ARL15: variants seen among roughly 807,000 people sequenced by gnomAD.
ARL15 encodes the protein ADP-ribosylation factor-like protein 15.
Under a neutral mutation model 25.2 loss-of-function variants are expected in ARL15, and 19 were observed. That is an observed-to-expected ratio of 0.75 (90% CI 0.53 to 1.10). The LOEUF (loss-of-function observed/expected upper bound fraction) is 1.10. Ranked by LOEUF, ARL15 falls within the 50% of genes least tolerant of loss-of-function variation. ARL15 has a pLI of 0.00. For missense variants in ARL15, 220 were observed against 246.0 expected (o/e 0.89, Z 0.71); for synonymous variants, 94 against 86.8 (o/e 1.08, Z -0.46).
intron 2 of ARL15, among the ~76,000 whole-genome samples, chr5:54,155,725 T>C (rs901132014): frequency 5.3e-5 from 8 of 151,396 alleles, no homozygotes; most frequent in Non-Finnish European, 8.9e-5. Context: ...CATGCAAATA[T>C]ACACACAGAT....
rs545232100 is a variant in ARL15 at position 54,189,411 on chromosome 5, T to A, written c.49-17483A>T. 8.5e-5 allele frequency among the ~76,000 whole-genome samples: 13 copies of A among 152,220 alleles called. No individual in the cohort carries two copies. In the South Asian group the frequency reaches 2.7e-3, roughly 32 times the overall value. On this transcript the variant is annotated intron_variant, in intron 1 of 4. Transcript: ENST00000504924. ...TACAGATTTCAAAACAAACGTCCGG[T>A]AATCAAAAGAACATGTTATTAGCAT...
chr5:54,239,909 T>C (rs1303742663), intron 1 of ARL15, among the ~76,000 whole-genome samples: 2 of 152,168 alleles, frequency 1.3e-5, no homozygotes, highest in African/African-American at 4.8e-5. Flanking sequence ...TGAACTGTTG[T>C]TCACTGGAGA....
intron 2 of ARL15, among the ~76,000 whole-genome samples, chr5:54,166,361 A>AT: frequency 6.6e-6 from 1 of 151,908 alleles, no homozygotes; most frequent in East Asian, 1.9e-4. Context: ...CATGCAGCTA[A>AT]TTTATTTATT....
rs149830925 is a variant in ARL15, at chr5:53,951,510, G to C, written c.463-64797C>G. 1.0e-4 allele frequency: 49 copies of C among 471,234 alleles called. 1 individual carries two copies. The highest frequency in any genetic ancestry group is 2.5e-4 in the South Asian group (16 of 64,678). The allele number at this position is 471,234 out of a possible 1,614,324, so 29.2% of individuals were successfully genotyped here. On this transcript the variant is annotated intron_variant, in intron 4 of 4. Coordinates refer to ENST00000504924, the MANE Select transcript of ARL15 (RefSeq NM_019087.3). Reference sequence around the variant, plus strand: ...TGTGGACTGGCACCAGTCTGCAGGTGGTTCTGTGTAGGTATTCTTTGTGTT... The same window carrying C: ...TGTGGACTGGCACCAGTCTGCAGGTCGTTCTGTGTAGGTATTCTTTGTGTT...
intron 3 of ARL15, among the ~76,000 whole-genome samples, chr5:54,144,073 CATGT>C (rs941581379): frequency 2.6e-5 from 4 of 151,720 alleles, no homozygotes; most frequent in Non-Finnish European, 5.9e-5. Context: ...TGTGTGCATG[CATGT>C]GTGTGTGTAT....
intron 1 of ARL15, among the ~76,000 whole-genome samples, chr5:54,175,658 CT>C (rs1371769602): frequency 0.012 from 1,727 of 141,896 alleles, 21 homozygotes; most frequent in Middle Eastern, 0.054. Context: ...CTTTTTCTCT[CT>C]TTTTTTTTTT....
chr5:53,975,567 C>T (rs570227680), intron 4 of ARL15, among the ~76,000 whole-genome samples: 1 of 152,358 alleles, frequency 6.6e-6, no homozygotes, highest in African/African-American at 2.4e-5. Flanking sequence ...TAATTCTGTT[C>T]CCTCTCTTGG....
At chr5:54,120,136 A>G (rs1561231319) in intron 3 of ARL15, among the ~76,000 whole-genome samples, 1 of 152,208 alleles carries the variant, frequency 6.6e-6, no homozygotes, top group South Asian at 2.1e-4. Flanking sequence ...TCAAAAGTAG[A>G]ATGTAGAATT....
At chr5:54,078,003 A>G (rs982248665) in intron 4 of ARL15, among the ~76,000 whole-genome samples, 20 of 152,226 alleles carry the variant, frequency 1.3e-4, no homozygotes, top group African/African-American at 4.6e-4. Context: ...TGATTACAAT[A>G]AATTTAAGTA....
intron 4 of ARL15, among the ~76,000 whole-genome samples, chr5:54,038,629 T>C (rs1366641735): frequency 6.6e-6 from 1 of 152,118 alleles, no homozygotes; most frequent in East Asian, 1.9e-4. Context: ...TTTGTTTCCA[T>C]CTCACTCTGT....
rs1754465268 is a variant in ARL15, at chr5:54,163,355, G to GTTTTTTTTTTTTTTTTTTTT, written c.193+8428_193+8429insAAAAAAAAAAAAAAAAAAAA. Among the ~76,000 whole-genome samples, 139 of 51,342 alleles carry GTTTTTTTTTTTTTTTTTTTT rather than the reference G, an allele frequency of 2.7e-3. 60 individuals are homozygous for GTTTTTTTTTTTTTTTTTTTT. The highest frequency in any genetic ancestry group is 5.1e-3 in the African/African-American group (62 of 12,090). 33.7% of individuals were successfully genotyped at this position (51,342 alleles called of 152,430 possible). ...TGTCCATGAGGGCTATTGGTATGAA[G>GTTTTTTTTTTTTTTTTTTTT]CTTTTTTTTTTTTTTTTTTTTTTTT... On this transcript the variant is annotated intron_variant, in intron 2 of 4. Transcript: ENST00000504924.
At chr5:54,046,299 GGC>G (rs1231581348) in intron 4 of ARL15, among the ~76,000 whole-genome samples, 1 of 152,122 alleles carries the variant, frequency 6.6e-6, no homozygotes, top group Non-Finnish European at 1.5e-5. Flanking sequence ...TGGCCAACAT[GGC>G]AAAACCCTGT....
intron 3 of ARL15, among the ~76,000 whole-genome samples, chr5:54,151,768 T>C (rs1165251180): frequency 6.6e-6 from 1 of 152,144 alleles, no homozygotes; most frequent in Admixed American, 6.5e-5. Context: ...AACTCCATTA[T>C]TCATTGTTTC....
At chr5:54,143,333 T>A (rs1208778359) in intron 3 of ARL15, among the ~76,000 whole-genome samples, 7 of 152,046 alleles carry the variant, frequency 4.6e-5, no homozygotes, top group Non-Finnish European at 1.0e-4. Context: ...TATATCAATA[T>A]GAAATCTTTT....
chr5:54,133,645 C>T (rs1753506912), intron 3 of ARL15, among the ~76,000 whole-genome samples: 1 of 152,268 alleles, frequency 6.6e-6, no homozygotes, highest in Middle Eastern at 3.4e-3. Context: ...AATGACAAAT[C>T]TAAGTCTCCA....
At chr5:54,028,511 TA>T (rs71598893) in intron 4 of ARL15, among the ~76,000 whole-genome samples, 53,694 of 144,910 alleles carry the variant, frequency 0.37, 11,404 homozygotes, top group Admixed American at 0.48. Flanking sequence ...TTTAGTAAAT[TA>T]AAAAAAAAAA....
chr5:54,305,265 C>A (rs1423323957), intron 1 of ARL15, among the ~76,000 whole-genome samples: 1 of 152,024 alleles, frequency 6.6e-6, no homozygotes, highest in South Asian at 2.1e-4. Flanking sequence ...TTTGGGAGGT[C>A]GAGGCAGGTG....
intron 4 of ARL15, among the ~76,000 whole-genome samples, chr5:54,004,789 CTGTGTGTGTG>C (rs60269500): frequency 4.0e-5 from 6 of 149,458 alleles, no homozygotes; most frequent in Non-Finnish European, 7.5e-5. Flanking sequence ...GTGTGTGTGC[CTGTGTGTGTG>C]TGTGTGTGTA....
intron 2 of ARL15, among the ~76,000 whole-genome samples, chr5:54,155,521 C>T (rs1213845065): frequency 6.6e-6 from 1 of 152,110 alleles, no homozygotes; most frequent in Non-Finnish European, 1.5e-5. Context: ...TCCACTTATG[C>T]ATAGGCAATC....
Sources: gnomAD v4.1 joint callset for allele counts (sites outside exome capture counted in the v4.1 genomes callset) on GRCh38, gnomAD v4.1.1 for gene constraint, MANE v1.5 for transcripts, NCBI Gene and HGNC (gene_info 2026-07-23, HGNC 2026-07-21) for gene names.